Variants in TEAD1 observed in about 807,000 individuals in gnomAD.
The protein encoded by TEAD1 is TEA domain transcription factor 1, also known as transcriptional enhancer factor TEF-1.
A neutral mutation model predicts 54.9 loss-of-function variants in TEAD1; 9 were observed. The observed-to-expected ratio is 0.16, with a 90% CI of 0.10 to 0.29. TEAD1 has a LOEUF of 0.29. TEAD1 is among the 10% of genes least tolerant of loss of function. The pLI is 1.00. For missense variants in TEAD1, 387 were observed against 535.9 expected, an observed-to-expected ratio of 0.72 and a Z score of 2.74; for synonymous variants, 200 against 187.8, an observed-to-expected ratio of 1.07 and a Z score of -0.53.
At chr11:12,772,771 A>G (rs529452630) in intron 3 of TEAD1, among the ~76,000 whole-genome samples, 13 of 152,300 alleles carry the variant, frequency 8.5e-5, no homozygotes, top group African/African-American at 1.2e-4. Context: ...ATTGGCATCC[A>G]CACAACCCAG....
chr11:12,893,095 T>C (rs559546687), intron 9 of TEAD1, among the ~76,000 whole-genome samples: 1 of 152,328 alleles, frequency 6.6e-6, no homozygotes, highest in South Asian at 2.1e-4. Flanking sequence ...AGCCTAGATA[T>C]TCTAACCCAG....
At chr11:12,754,682 T>C (rs1944949973) in intron 2 of TEAD1, among the ~76,000 whole-genome samples, 1 of 152,184 alleles carries the variant, frequency 6.6e-6, no homozygotes, top group Non-Finnish European at 1.5e-5. Flanking sequence ...ATCCATTAGA[T>C]CCTGAGAGCA....
chr11:12,916,144 T>G (rs1397844562), intron 10 of TEAD1, among the ~76,000 whole-genome samples: 5 of 152,228 alleles, frequency 3.3e-5, no homozygotes, highest in African/African-American at 1.2e-4. Context: ...CACGTGTTAA[T>G]GATGGCCTTT....
At chr11:12,868,674 C>G (rs1173336936) in intron 5 of TEAD1, among the ~76,000 whole-genome samples, 1 of 152,166 alleles carries the variant, frequency 6.6e-6, no homozygotes, top group Admixed American at 6.5e-5. Flanking sequence ...AAAAATTGTT[C>G]TAGTGAAAGT....
intron 3 of TEAD1, among the ~76,000 whole-genome samples, chr11:12,783,606 C>T (rs989725843): frequency 3.9e-5 from 6 of 152,136 alleles, no homozygotes; most frequent in East Asian, 1.9e-4. Context: ...CACTCAAGGT[C>T]GAATGGCTAC....
At chr11:12,691,268 G>A (rs1434554658) in intron 2 of TEAD1, among the ~76,000 whole-genome samples, 1 of 152,160 alleles carries the variant, frequency 6.6e-6, no homozygotes, top group Non-Finnish European at 1.5e-5. Flanking sequence ...GTTGGCTCCT[G>A]TGGCCTTTTG....
At chr11:12,730,630 G>C (rs2133878464) in intron 2 of TEAD1, among the ~76,000 whole-genome samples, 1 of 151,408 alleles carries the variant, frequency 6.6e-6, no homozygotes, top group South Asian at 2.1e-4. Flanking sequence ...GGTCTTTCAG[G>C]AGGAGCTAAG....
At position 12,924,894 on chromosome 11, in the gene TEAD1, C is replaced by A; in HGVS notation, c.874-18C>A. On this transcript the variant is annotated intron_variant, in intron 10 of 12. Coordinates refer to ENST00000527636, the MANE Select transcript of TEAD1 (RefSeq NM_021961.6). ...TGGGATGAGAGAATAACCCACACCTCCATTTCCTTTCCAACAGGCTGATTT... is the reference window on the plus strand; with the variant it reads ...TGGGATGAGAGAATAACCCACACCTACATTTCCTTTCCAACAGGCTGATTT... 1.2e-6 allele frequency: 2 copies of A among 1,614,162 alleles called. No individual in the cohort carries two copies. The highest frequency in any genetic ancestry group is 1.7e-6 in the Non-Finnish European group (2 of 1,180,012).
intron 7 of TEAD1, among the ~76,000 whole-genome samples, chr11:12,881,666 T>C (rs1689258742): frequency 6.6e-6 from 1 of 152,164 alleles, no homozygotes; most frequent in African/African-American, 2.4e-5. Flanking sequence ...AGGCTGTCTT[T>C]CCAGCACATC....
chr11:12,808,323 G>A (rs572870876), intron 3 of TEAD1, among the ~76,000 whole-genome samples: 15 of 152,124 alleles, frequency 9.9e-5, no homozygotes, highest in Non-Finnish European at 1.6e-4. Context: ...CTTTCCACCA[G>A]GCGCCATTCC....
intron 9 of TEAD1, among the ~76,000 whole-genome samples, chr11:12,901,177 T>G (rs1374371882): frequency 1.3e-5 from 2 of 152,208 alleles, no homozygotes; most frequent in African/African-American, 4.8e-5. Context: ...ACACACTCCT[T>G]TGTGGTCCAG....
intron 2 of TEAD1, among the ~76,000 whole-genome samples, chr11:12,724,108 G>A (rs539949547): frequency 1.3e-5 from 2 of 152,226 alleles, no homozygotes; most frequent in South Asian, 4.1e-4. Flanking sequence ...CTCCTTCATG[G>A]TGATGCCAAG....
At chr11:12,879,971 C>A in intron 6 of TEAD1, 129 bp downstream of exon 6, 1 of 1,362,206 alleles carries the variant, frequency 7.3e-7, no homozygotes, top group Non-Finnish European at 1.0e-6. Flanking sequence ...GCTACCTTGT[C>A]AACTGATAAC....
At chr11:12,681,584 C>A (rs1044420822) in intron 2 of TEAD1, among the ~76,000 whole-genome samples, 2 of 152,206 alleles carry the variant, frequency 1.3e-5, no homozygotes, top group Non-Finnish European at 2.9e-5. Context: ...GGTAGGGGAA[C>A]TCTTGCCTCA....
chr11:12,939,684 CTA>C lies in TEAD1; in HGVS notation c.*2464_*2465del, dbSNP rs975205333. Reference sequence around the variant, plus strand: ...CTTTGCAGTTGAGTTTTCTGGGTTTCTATGATTGACCTTGAGGTTTACTCCTT... The same window carrying C: ...CTTTGCAGTTGAGTTTTCTGGGTTTCTGATTGACCTTGAGGTTTACTCCTT... On this transcript the variant is annotated 3_prime_UTR_variant, in exon 13 of 13. Coordinates refer to ENST00000527636, the MANE Select transcript of TEAD1 (RefSeq NM_021961.6). The C allele has an allele frequency of 2.0e-5, 3 of 152,264 alleles. No homozygotes were observed. Among genetic ancestry groups the C allele is most frequent in the African/African-American group, 7.2e-5 (3 of 41,452 alleles). 9.4% of individuals were successfully genotyped at this position (152,264 alleles called of 1,614,324 possible). A position where few individuals can be genotyped will look rare whatever the true frequency, so the allele number is the denominator to read the frequency against.
intron 2 of TEAD1, among the ~76,000 whole-genome samples, chr11:12,749,269 G>A (rs1944814819): frequency 6.6e-6 from 1 of 152,100 alleles, no homozygotes; most frequent in South Asian, 2.1e-4. Context: ...GGGCTTTAGT[G>A]GCCATTTGTA....
chr11:12,850,477 C>G (rs1423249905), intron 3 of TEAD1, among the ~76,000 whole-genome samples: 1 of 152,152 alleles, frequency 6.6e-6, no homozygotes, highest in Admixed American at 6.5e-5. Context: ...CAGAAGGTGC[C>G]AGAGCCTTCC....
chr11:12,757,174 C>G (rs961283708), intron 2 of TEAD1, among the ~76,000 whole-genome samples: 2 of 152,174 alleles, frequency 1.3e-5, no homozygotes, highest in Admixed American at 1.3e-4. Flanking sequence ...TAGTGCTCGT[C>G]CCGTTGCCAC....
At chr11:12,694,533 T>G (rs752091794) in intron 2 of TEAD1, among the ~76,000 whole-genome samples, 7 of 152,196 alleles carry the variant, frequency 4.6e-5, no homozygotes, top group Non-Finnish European at 8.8e-5. Context: ...ATGTTGGGTC[T>G]GCTGTGACTC....
Sources: gnomAD v4.1 joint callset for allele counts (sites outside exome capture counted in the v4.1 genomes callset) on GRCh38, gnomAD v4.1.1 for gene constraint, MANE v1.5 for transcripts, NCBI Gene and HGNC (gene_info 2026-07-23, HGNC 2026-07-21) for gene names.